Variants in QSOX1 observed in about 807,000 individuals in gnomAD.
QSOX1 encodes the protein quiescin sulfhydryl oxidase 1, also known as sulfhydryl oxidase 1.
QSOX1 carries 40 observed loss-of-function variants against 76.1 expected under a neutral mutation model. That is an observed-to-expected ratio of 0.53 (90% confidence interval 0.41 to 0.68). QSOX1 has a LOEUF of 0.68. Ranked by LOEUF, QSOX1 falls within the 30% of genes least tolerant of loss-of-function variation. The pLI is 0.00. For synonymous variants in QSOX1, 392 were observed against 413.1 expected (o/e 0.95, Z 0.62); for missense variants, 931 against 974.3 (o/e 0.96, Z 0.59).
At chr1:180,160,251 A>G (rs1013560898) in intron 1 of QSOX1, among the ~76,000 whole-genome samples, 13 of 151,914 alleles carry the variant, frequency 8.6e-5, no homozygotes, top group African/African-American at 2.4e-4. Context: ...AGCAAGTACT[A>G]TTTGTTCATT....
rs745591370 is a variant in QSOX1 at position 180,202,314 on chromosome 1, G to A, written c.*5277G>A. 1 of 152,242 alleles carries A rather than the reference G, an allele frequency of 6.6e-6. No individual in the cohort carries two copies. The highest frequency in any genetic ancestry group is 2.4e-5 in the African/African-American group (1 of 41,426). 9.4% of individuals were successfully genotyped at this position (152,242 alleles called of 1,614,324 possible). On this transcript the variant is annotated 3_prime_UTR_variant, in exon 12 of 12. Coordinates refer to ENST00000367602, the MANE Select transcript of QSOX1 (RefSeq NM_002826.5). ...AGAGAGCAAAAGCTCTTTTCCTGGGGCTGCATGTTCTTCCATAGGAAAGTG... is the reference window on the plus strand; with the variant it reads ...AGAGAGCAAAAGCTCTTTTCCTGGGACTGCATGTTCTTCCATAGGAAAGTG...
At chr1:180,194,841 T>A (rs1663420104) in intron 11 of QSOX1, among the ~76,000 whole-genome samples, 3 of 152,124 alleles carry the variant, frequency 2.0e-5, no homozygotes, top group African/African-American at 7.2e-5. Context: ...CTGCGTTCCC[T>A]CATTATGGTG....
chr1:180,194,306 C>A lies in QSOX1; in HGVS notation c.1382C>A (p.Ala461Asp), dbSNP rs372695733. 4 of 1,611,954 alleles carry A rather than the reference C, an allele frequency of 2.5e-6. No individual in the cohort carries two copies. The Admixed American group carries it at 5.0e-5, about 20-fold the overall frequency. The change falls in exon 11 of 12, where the codon GCT becomes GAT. Residue 461 changes from alanine to aspartate, a missense_variant. Transcript: ENST00000367602. ...DCASHFEQMA[A>D]ASMHRVGSPN... ...GCTAGCCACTTCGAGCAGATGGCTG[C>A]TGCCTCCATGCACCGGGTGGGGAGT...
intron 2 of QSOX1, among the ~76,000 whole-genome samples, chr1:180,171,331 G>A (rs577145162): frequency 6.6e-6 from 1 of 151,414 alleles, no homozygotes; most frequent in South Asian, 2.1e-4. Flanking sequence ...TGGATGACGG[G>A]TTTTTGAAGA....
chr1:180,163,994 C>G (rs1002980958), intron 1 of QSOX1, among the ~76,000 whole-genome samples: 1 of 152,092 alleles, frequency 6.6e-6, no homozygotes, highest in African/African-American at 2.4e-5. Flanking sequence ...AAAACCAGAT[C>G]ACGGGTTCAT....
At chr1:180,171,158 T>C (rs1285892380) in intron 2 of QSOX1, among the ~76,000 whole-genome samples, 2 of 152,134 alleles carry the variant, frequency 1.3e-5, no homozygotes, top group Admixed American at 1.3e-4. Flanking sequence ...ATGAAAAGAT[T>C]GAGCATACTA....
At chr1:180,180,243 T>A (rs1401617441) in intron 5 of QSOX1, among the ~76,000 whole-genome samples, 1 of 152,244 alleles carries the variant, frequency 6.6e-6, no homozygotes, top group Non-Finnish European at 1.5e-5. Flanking sequence ...GGAGTTTCAC[T>A]CTTGTTGCCC....
Position 180,154,871 on chromosome 1 carries a change from C to G in QSOX1, c.-37C>G. The G allele has an allele frequency of 7.4e-7, 1 of 1,354,242 alleles. No homozygotes were observed. Among genetic ancestry groups the G allele is most frequent in the Non-Finnish European group, 9.5e-7 (1 of 1,058,084 alleles). 83.9% of individuals were successfully genotyped at this position (1,354,242 alleles called of 1,614,324 possible). ...GCCGCGGCGCCGGGACCCGACTCAT[C>G]CGGTGCTTGCGTGTGGTGGTGAGCG... On this transcript the variant is annotated 5_prime_UTR_variant, in exon 1 of 12. In the 5' UTR this introduces an upstream ATG that the reference lacks. Transcript: ENST00000367602.
chr1:180,197,125 C>T lies in QSOX1; in HGVS notation c.*88C>T, dbSNP rs1663516439. 1.5e-6 allele frequency: 1 copy of T among 669,426 alleles called. No individual in the cohort carries two copies. Among genetic ancestry groups the T allele is most frequent in the Admixed American group, 2.6e-5 (1 of 37,982 alleles). The allele number at this position is 669,426 out of a possible 1,614,324, so 41.5% of individuals were successfully genotyped here. A position where few individuals can be genotyped will look rare whatever the true frequency, so the allele number is the denominator to read the frequency against. ...CCATTCCCTCCCCTCCCACCCCTTG[C>T]TCCTTGTCTGGCCTAGAAGTGTGGG... On this transcript the variant is annotated 3_prime_UTR_variant, in exon 12 of 12. Coordinates refer to ENST00000367602, the MANE Select transcript of QSOX1 (RefSeq NM_002826.5).
At chr1:180,186,708 G>A (rs912655934) in intron 8 of QSOX1, among the ~76,000 whole-genome samples, 10 of 152,340 alleles carry the variant, frequency 6.6e-5, no homozygotes, top group African/African-American at 1.9e-4. Context: ...ATTTATTGAG[G>A]ACTTGATGTT....
intron 7 of QSOX1, among the ~76,000 whole-genome samples, chr1:180,185,048 C>G (rs536580118): frequency 4.3e-4 from 66 of 152,268 alleles, no homozygotes; most frequent in African/African-American, 1.4e-3. Flanking sequence ...TTACCTCATT[C>G]AGTCATGGGG....
intron 1 of QSOX1, among the ~76,000 whole-genome samples, chr1:180,159,806 T>C (rs778719390): frequency 4.6e-5 from 7 of 152,218 alleles, no homozygotes; most frequent in Non-Finnish European, 1.0e-4. Context: ...TTTGGTCTCT[T>C]GGGCCTTGTG....
chr1:180,167,472 G>A (rs895576768), intron 2 of QSOX1, among the ~76,000 whole-genome samples: 8 of 152,166 alleles, frequency 5.3e-5, no homozygotes, highest in African/African-American at 1.9e-4. Flanking sequence ...GGGGGTAGGG[G>A]CAGCCAAGTT....
In QSOX1 at chr1:180,197,094, C is replaced by T. The variant is rs1181352669; in HGVS notation, c.*57C>T. ...GCCATCTCTAGGCACCTCAAGCCCC[C>T]TGACCCCATTCCCTCCCCTCCCACC... On this transcript the variant is annotated 3_prime_UTR_variant, in exon 12 of 12. Coordinates refer to ENST00000367602, the MANE Select transcript of QSOX1 (RefSeq NM_002826.5). The T allele has an allele frequency of 6.5e-7, 1 of 1,533,058 alleles. No homozygotes were observed. Among genetic ancestry groups the T allele is most frequent in the Non-Finnish European group, 8.8e-7 (1 of 1,140,054 alleles). The allele number at this position is 1,533,058 out of a possible 1,614,324, so 95.0% of individuals were successfully genotyped here.
rs528721126 is a variant in QSOX1, at chr1:180,167,224, A to G, written c.366+633A>G. Among the ~76,000 whole-genome samples, 3 of 152,374 alleles carry G rather than the reference A, an allele frequency of 2.0e-5. No individual in the cohort carries two copies. In the South Asian group the frequency reaches 6.2e-4, roughly 32 times the overall value. On this transcript the variant is annotated intron_variant, in intron 2 of 11. Transcript: ENST00000367602. ...CCAGGGCAGCAAGGCTGCTGCAGTT[A>G]TGGTGAGGGCCCTCCCCTGGGCTCA... is the stretch of plus-strand genomic sequence containing the variant.
rs751046695 is a variant in QSOX1, at chr1:180,198,383, C to T, written c.*1346C>T. ...TGTCAGAGCTGCAGGGTTGGCCACT[C>T]GGTGGGGAGGAGTCAGCCAGGATTA... On this transcript the variant is annotated 3_prime_UTR_variant, in exon 12 of 12. Transcript: ENST00000367602. 6.1e-5 allele frequency: 28 copies of T among 456,604 alleles called. No homozygotes were observed. The highest frequency in any genetic ancestry group is 3.4e-4 in the South Asian group (22 of 64,568). 28.3% of individuals were successfully genotyped at this position (456,604 alleles called of 1,614,324 possible).
chr1:180,181,913 C>T (rs928160724), intron 5 of QSOX1, among the ~76,000 whole-genome samples: 2 of 152,208 alleles, frequency 1.3e-5, no homozygotes, highest in Non-Finnish European at 2.9e-5. Flanking sequence ...TTGGGACTGT[C>T]GTAAGAAATT....
At chr1:180,185,282 C>A (rs568231742) in intron 7 of QSOX1, among the ~76,000 whole-genome samples, 1 of 152,344 alleles carries the variant, frequency 6.6e-6, no homozygotes, top group South Asian at 2.1e-4. Flanking sequence ...CCAGGAAAGT[C>A]AACTGAGTTG....
intron 1 of QSOX1, among the ~76,000 whole-genome samples, chr1:180,159,084 C>G (rs1662436957): frequency 6.6e-6 from 1 of 152,190 alleles, no homozygotes; most frequent in Non-Finnish European, 1.5e-5. Context: ...CAGCAGAATC[C>G]CCACAACACC....
Sources: gnomAD v4.1 joint callset for allele counts (sites outside exome capture counted in the v4.1 genomes callset) on GRCh38, gnomAD v4.1.1 for gene constraint, MANE v1.5 for transcripts, NCBI Gene and HGNC (gene_info 2026-07-23, HGNC 2026-07-21) for gene names.